Variants in GALNT17 observed in about 807,000 individuals in gnomAD.
The protein encoded by GALNT17 is UDP-GalNAc:polypeptide N-acetylgalactosaminyltransferase-like 3.
In GALNT17, 29 loss-of-function variants were observed where a neutral mutation model predicts 63.7. That is an observed-to-expected ratio of 0.46 (90% confidence interval 0.34 to 0.62). The LOEUF (loss-of-function observed/expected upper bound fraction) is 0.62. Ranked by LOEUF, GALNT17 falls within the 20% of genes least tolerant of loss-of-function variation. GALNT17 has a pLI of 0.01. For synonymous variants in GALNT17, 305 were observed against 318.3 expected (o/e 0.96, Z 0.45); for missense variants, 603 against 799.6 (o/e 0.75, Z 2.97).
At position 71,420,916 on chromosome 7, in the gene GALNT17, C is replaced by T. The variant is rs1453524973; in HGVS notation, c.773C>T (p.Pro258Leu). The T allele has an allele frequency of 3.1e-6, 5 of 1,614,102 alleles. No homozygotes were observed. Among genetic ancestry groups the T allele is most frequent in the East Asian group, 2.2e-5 (1 of 44,878 alleles). Residue 258 changes from proline to leucine, a missense_variant, in exon 5 of 11, where the codon CCG (proline) becomes CTG (leucine). By Grantham distance (98) the Pro-to-Leu change is moderately conservative. Around this residue, in one of 3 missense-constraint regions of GALNT17, gnomAD observed 336 missense variants for 507.8 expected, o/e 0.66. Coordinates refer to ENST00000333538, the MANE Select transcript of GALNT17 (RefSeq NM_022479.3). The stretch of plus-strand genomic sequence containing the variant: ...ATTTCTCTATGTTTCAGGGCTGAGC[C>T]GGTTCTATCCCGCATCCAGGAAAAC... ...HVEFTAGWAE[P>L]VLSRIQENRK...
At chr7:71,458,411 C>T (rs780639848) in intron 5 of GALNT17, among the ~76,000 whole-genome samples, 4 of 152,168 alleles carry the variant, frequency 2.6e-5, no homozygotes, top group South Asian at 2.1e-4. Flanking sequence ...TGCAGCCCCA[C>T]GGTAGCATCT....
At chr7:71,299,963 A>C (rs1791163848) in intron 1 of GALNT17, among the ~76,000 whole-genome samples, 1 of 151,956 alleles carries the variant, frequency 6.6e-6, no homozygotes, top group South Asian at 2.1e-4. Context: ...AAGAGGTTTC[A>C]CCAAATTGAT....
chr7:71,149,469 T>C (rs1293320456), intron 1 of GALNT17, among the ~76,000 whole-genome samples: 1 of 151,908 alleles, frequency 6.6e-6, no homozygotes, highest in African/African-American at 2.4e-5. Flanking sequence ...TCCAGGACTG[T>C]AGGGGGGGCG....
At chr7:71,582,701 T>A (rs1392919227) in intron 6 of GALNT17, among the ~76,000 whole-genome samples, 1 of 152,174 alleles carries the variant, frequency 6.6e-6, no homozygotes, top group African/African-American at 2.4e-5. Flanking sequence ...TTATTCTAAG[T>A]GAAGTAACTC....
chr7:71,454,411 T>A (rs1787318806), intron 5 of GALNT17, among the ~76,000 whole-genome samples: 1 of 152,194 alleles, frequency 6.6e-6, no homozygotes, highest in Non-Finnish European at 1.5e-5. Context: ...TCTGGTTCCT[T>A]TGTATTATAT....
intron 1 of GALNT17, among the ~76,000 whole-genome samples, chr7:71,203,487 G>A (rs1232796408): frequency 6.6e-6 from 1 of 152,098 alleles, no homozygotes; most frequent in Non-Finnish European, 1.5e-5. Context: ...TTAAAATTAG[G>A]TCATTTATTT....
At chr7:71,397,565 G>C (rs1563063201) in intron 3 of GALNT17, among the ~76,000 whole-genome samples, 1 of 152,178 alleles carries the variant, frequency 6.6e-6, no homozygotes, top group Non-Finnish European at 1.5e-5. Context: ...AGCTTAAAAT[G>C]AGGTACATTT....
intron 6 of GALNT17, among the ~76,000 whole-genome samples, chr7:71,595,253 C>G (rs1214224853): frequency 6.6e-6 from 1 of 151,912 alleles, no homozygotes; most frequent in Non-Finnish European, 1.5e-5. Flanking sequence ...AAGACCCTGT[C>G]CATACAAAAA....
rs575569700 is a variant in GALNT17, at chr7:71,700,511, G to A, written c.1501-10250G>A. ...TCTTGATGAGAAAGCCCCGATTCCT[G>A]AGCTTGATGGACTCCATCTAGTGGA... On this transcript the variant is annotated intron_variant, in intron 9 of 10. Transcript: ENST00000333538. Among the ~76,000 whole-genome samples the A allele has an allele frequency of 2.0e-5, 3 of 152,134 alleles. No homozygotes were observed. In the South Asian group the frequency reaches 6.2e-4, roughly 32 times the overall value.
intron 3 of GALNT17, among the ~76,000 whole-genome samples, chr7:71,402,934 C>T (rs910620513): frequency 6.6e-6 from 1 of 152,120 alleles, no homozygotes; most frequent in Non-Finnish European, 1.5e-5. Context: ...CACCTGCCTT[C>T]CCCCCTGCCT....
chr7:71,589,512 C>T (rs777292875), intron 6 of GALNT17, among the ~76,000 whole-genome samples: 13 of 151,752 alleles, frequency 8.6e-5, no homozygotes, highest in African/African-American at 1.9e-4. Context: ...TTTGAAGCTG[C>T]AGTGAGCTAT....
At chr7:71,705,240 C>T (rs1584151012) in intron 9 of GALNT17, among the ~76,000 whole-genome samples, 1 of 151,696 alleles carries the variant, frequency 6.6e-6, no homozygotes, top group Middle Eastern at 3.4e-3. Context: ...AGATATAAAA[C>T]GGTCAATAAG....
At chr7:71,582,874 C>T (rs1194737166) in intron 6 of GALNT17, among the ~76,000 whole-genome samples, 1 of 152,002 alleles carries the variant, frequency 6.6e-6, no homozygotes, top group Non-Finnish European at 1.5e-5. Flanking sequence ...GGGTATAGTG[C>T]TTGGGTGATG....
At chr7:71,592,092 A>T (rs188959361) in intron 6 of GALNT17, among the ~76,000 whole-genome samples, 38 of 152,262 alleles carry the variant, frequency 2.5e-4, no homozygotes, top group Non-Finnish European at 4.3e-4. Flanking sequence ...GGATGCTTCC[A>T]GGGCCAGGGA....
At chr7:71,583,698 C>G in intron 6 of GALNT17, among the ~76,000 whole-genome samples, 1 of 151,836 alleles carries the variant, frequency 6.6e-6, no homozygotes. Flanking sequence ...ATGTAGAAAG[C>G]TATAACATGC....
At position 71,710,928 on chromosome 7, in the gene GALNT17, G is replaced by T; in HGVS notation, c.1668G>T (p.Gln556His). The change falls in exon 10 of 11, where the codon CAG becomes CAT. Residue 556 changes from glutamine to histidine, a missense_variant and splice_region_variant. Transcript: ENST00000333538. ...TGTACAAGCGCTGGAACTTCATCCA[G>T]GTGAGTGCTGTATGGACAGAGCCAG... Reference protein sequence around the residue: ...SSLYKRWNFIQNGAIMNKGTG... With the variant: ...SSLYKRWNFIHNGAIMNKGTG... 1 of 1,613,424 alleles carries T rather than the reference G, an allele frequency of 6.2e-7. No homozygotes were observed. The highest frequency in any genetic ancestry group is 8.5e-7 in the Non-Finnish European group (1 of 1,179,992).
At chr7:71,293,135 AT>A (rs1472324930) in intron 1 of GALNT17, among the ~76,000 whole-genome samples, 1 of 152,134 alleles carries the variant, frequency 6.6e-6, no homozygotes, top group African/African-American at 2.4e-5. Flanking sequence ...TTATTTTTGT[AT>A]CTTGGCCATT....
chr7:71,139,198 A>G (rs141834368), intron 1 of GALNT17, among the ~76,000 whole-genome samples: 96 of 152,204 alleles, frequency 6.3e-4, no homozygotes, highest in Middle Eastern at 6.8e-3. Flanking sequence ...GTTCAGGAAT[A>G]CCAGGGTACT....
chr7:71,424,865 G>A (rs1034732169), intron 5 of GALNT17, among the ~76,000 whole-genome samples: 1 of 152,314 alleles, frequency 6.6e-6, no homozygotes, highest in African/African-American at 2.4e-5. Context: ...CATCCAAATG[G>A]TGTTAGATTA....
Sources: allele counts gnomAD v4.1 joint callset (sites outside exome capture counted in the v4.1 genomes callset), GRCh38; gene constraint gnomAD v4.1.1; regional missense constraint gnomAD v4.1.1; transcripts MANE v1.5; gene names NCBI Gene and HGNC (gene_info 2026-07-23, HGNC 2026-07-21).